The following SLC30A9 variants were observed in gnomAD, a reference collection of about 807,000 sequenced individuals.
SLC30A9 encodes solute carrier family 30 member 9, also known as proton-coupled zinc antiporter SLC30A9, mitochondrial.
In SLC30A9, 58 loss-of-function variants were observed where a neutral mutation model predicts 87.5. The observed-to-expected ratio is 0.66, with a 90% CI of 0.54 to 0.82. SLC30A9 has a LOEUF of 0.82. SLC30A9 is among the 40% of genes least tolerant of loss of function. The probability of loss-of-function intolerance (pLI) is 0.00; values close to 1 mark genes in which losing one functional copy is unlikely to be tolerated. For missense variants in SLC30A9, 557 were observed against 679.1 expected (o/e 0.82, Z 2.00); for synonymous variants, 234 against 233.0 (o/e 1.00, Z -0.04).
chr4:42,022,961 G>A, intron 5 of SLC30A9, 31 bp downstream of exon 5: 3 of 1,336,898 alleles, frequency 2.2e-6, no homozygotes, highest in Middle Eastern at 1.9e-4. Context: ...GAATAAAAGT[G>A]CAAACCAAAT....
intron 3 of SLC30A9, 60 bp downstream of exon 3, chr4:42,018,230 T>G (rs1715802782): frequency 1.0e-6 from 1 of 965,014 alleles, no homozygotes; most frequent in Admixed American, 2.2e-5. Context: ...ATATATAACA[T>G]TGGTTTATGT....
At chr4:42,029,730 A>C in intron 6 of SLC30A9, 1 of 732,718 alleles carries the variant, frequency 1.4e-6, no homozygotes, top group Non-Finnish European at 2.5e-6. Context: ...CGAAGAGGGC[A>C]AACCACATGT....
intron 2 of SLC30A9, among the ~76,000 whole-genome samples, chr4:42,012,327 T>A (rs1715480671): frequency 6.6e-6 from 1 of 152,160 alleles, no homozygotes; most frequent in African/African-American, 2.4e-5. Flanking sequence ...TTTGGAATAA[T>A]ATCCAGGAAA....
chr4:42,036,557 A>G (rs747757919), intron 7 of SLC30A9, among the ~76,000 whole-genome samples: 1 of 152,236 alleles, frequency 6.6e-6, no homozygotes, highest in African/African-American at 2.4e-5. Context: ...GGAATCTCCT[A>G]TCAAGAAGTT....
At chr4:42,035,960 C>T (rs930553687) in intron 7 of SLC30A9, among the ~76,000 whole-genome samples, 1 of 152,234 alleles carries the variant, frequency 6.6e-6, no homozygotes, top group African/African-American at 2.4e-5. Context: ...CTTTCTGCTC[C>T]TAACTCTGGT....
At chr4:42,070,834 T>C in intron 15 of SLC30A9, 143 bp downstream of exon 15, 1 of 578,264 alleles carries the variant, frequency 1.7e-6, no homozygotes, top group East Asian at 2.9e-5. Flanking sequence ...AGAATTATAA[T>C]CCTGGAAGTA....
In SLC30A9 at chr4:42,090,147, AT is replaced by A. The variant is rs1719046398; in HGVS notation, c.*4024del. 1 of 152,224 alleles carries A rather than the reference AT, an allele frequency of 6.6e-6. No individual in the cohort carries two copies. Among genetic ancestry groups the A allele is most frequent in the Non-Finnish European group, 1.5e-5 (1 of 68,038 alleles). 9.4% of individuals were successfully genotyped at this position (152,224 alleles called of 1,614,324 possible). A position where few individuals can be genotyped will look rare whatever the true frequency, so the allele number is the denominator to read the frequency against. On this transcript the variant is annotated 3_prime_UTR_variant, in exon 18 of 18. Coordinates refer to ENST00000264451, the MANE Select transcript of SLC30A9 (RefSeq NM_006345.4). ...TTTCTTTTAAATGTGATGAACCCCA[AT>A]TTGCCAAACTGTCAGAAGTCAGTGA...
At chr4:41,996,913 A>G (rs1714738898) in intron 1 of SLC30A9, among the ~76,000 whole-genome samples, 1 of 152,098 alleles carries the variant, frequency 6.6e-6, no homozygotes, top group South Asian at 2.1e-4. Context: ...ACATGCCTGT[A>G]ATCCCAGCTA....
intron 9 of SLC30A9, 109 bp downstream of exon 9, chr4:42,049,588 G>A: frequency 1.9e-6 from 1 of 537,156 alleles, no homozygotes; most frequent in Non-Finnish European, 3.1e-6. Flanking sequence ...TTGGCTTGTG[G>A]GATAAAATAA....
At chr4:42,068,136 AATGT>A (rs1718158382) in intron 14 of SLC30A9, among the ~76,000 whole-genome samples, 1 of 152,202 alleles carries the variant, frequency 6.6e-6, no homozygotes, top group African/African-American at 2.4e-5. Flanking sequence ...AATTTTTAAA[AATGT>A]ATATGTAGCC....
chr4:42,039,238 T>C (rs1370598345), intron 8 of SLC30A9, among the ~76,000 whole-genome samples, 185 bp downstream of exon 8: 1 of 152,200 alleles, frequency 6.6e-6, no homozygotes, highest in East Asian at 1.9e-4. Flanking sequence ...TGAATTCATA[T>C]AGATAACCAT....
chr4:42,035,610 G>A (rs1165359094), intron 7 of SLC30A9, among the ~76,000 whole-genome samples: 3 of 151,018 alleles, frequency 2.0e-5, no homozygotes, highest in Admixed American at 6.6e-5. Flanking sequence ...CAATTCTCCT[G>A]CCTCAGCCTC....
intron 14 of SLC30A9, among the ~76,000 whole-genome samples, chr4:42,068,369 G>A (rs1018168090): frequency 2.0e-5 from 3 of 151,440 alleles, no homozygotes; most frequent in Non-Finnish European, 2.9e-5. Context: ...TCAGCCTCCC[G>A]AGTAGCTGGG....
rs1717643308 is a variant in SLC30A9, at chr4:42,056,915, G to C, written c.841-3276G>C. On this transcript the variant is annotated intron_variant, in intron 9 of 17. Transcript: ENST00000264451. The stretch of plus-strand genomic sequence containing the variant: ...AAAGGGAGACATTGGCCAAAACAAA[G>C]GGGCTACAGGCCCCATGCAAGTCCA... 2.0e-5 allele frequency among the ~76,000 whole-genome samples: 3 copies of C among 152,162 alleles called. 1 individual carries two copies. The South Asian group carries it at 6.2e-4, about 32-fold the overall frequency.
rs747133490 is a variant in SLC30A9, at chr4:42,086,157, C to T, written c.*31C>T. 1.4e-6 allele frequency: 2 copies of T among 1,401,136 alleles called. No homozygotes were observed. Among genetic ancestry groups the T allele is most frequent in the Non-Finnish European group, 2.0e-6 (2 of 1,021,104 alleles). 86.8% of individuals were successfully genotyped at this position (1,401,136 alleles called of 1,614,324 possible). ...ATGGAATGAATCACCTGGGTGGGGA[C>T]CTTGGAAACAAGTTTGTCCGTCCAC... On this transcript the variant is annotated 3_prime_UTR_variant, in exon 18 of 18. Transcript: ENST00000264451.
At chr4:42,065,499 C>A in intron 12 of SLC30A9, 150 bp downstream of exon 12, 1 of 600,526 alleles carries the variant, frequency 1.7e-6, no homozygotes, top group East Asian at 2.9e-5. Flanking sequence ...GGAGTAAAGT[C>A]TTTGCATAAT....
intron 14 of SLC30A9, chr4:42,070,313 T>C (rs1718258151): frequency 2.3e-6 from 1 of 440,100 alleles, no homozygotes; most frequent in South Asian, 5.7e-5. Flanking sequence ...GAGATCTTAA[T>C]TATGTCACAT....
intron 9 of SLC30A9, among the ~76,000 whole-genome samples, chr4:42,053,797 G>GCAGAT (rs532976031): frequency 6.8e-4 from 101 of 149,214 alleles, no homozygotes; most frequent in African/African-American, 2.5e-3. Flanking sequence ...CAGCAGTACA[G>GCAGAT]CAGATAAACA....
chr4:42,000,113 A>G (rs1714913846), intron 1 of SLC30A9, among the ~76,000 whole-genome samples: 1 of 152,124 alleles, frequency 6.6e-6, no homozygotes, highest in Non-Finnish European at 1.5e-5. Context: ...AGAACACTGA[A>G]AAAAATCTAG....
Sources: gnomAD v4.1 joint callset for allele counts (sites outside exome capture counted in the v4.1 genomes callset) on GRCh38, gnomAD v4.1.1 for gene constraint, MANE v1.5 for transcripts, NCBI Gene and HGNC (gene_info 2026-07-23, HGNC 2026-07-21) for gene names.